The following HNRNPR variants were observed in gnomAD, a reference collection of about 807,000 sequenced individuals.
HNRNPR encodes heterogeneous nuclear ribonucleoprotein R.
A neutral mutation model predicts 70.3 loss-of-function variants in HNRNPR; 4 were observed. The observed-to-expected ratio is 0.06, with a 90% CI of 0.03 to 0.13. The LOEUF (loss-of-function observed/expected upper bound fraction) is 0.13, where lower values mean the gene tolerates loss of function less well. Among genes scored for constraint, HNRNPR ranks in the 10% least tolerant of loss-of-function variants. The pLI, the probability that HNRNPR is intolerant of heterozygous loss-of-function variation, is 1.00. For synonymous variants in HNRNPR, 241 were observed against 267.6 expected, an observed-to-expected ratio of 0.90 and a Z score of 0.97; for missense variants, 423 against 788.5, an observed-to-expected ratio of 0.54 and a Z score of 5.55.
intron 8 of HNRNPR, among the ~76,000 whole-genome samples, chr1:23,317,413 G>A (rs567200467): frequency 9.2e-5 from 14 of 151,692 alleles, no homozygotes; most frequent in East Asian, 1.9e-4. Context: ...AGTGGAGATC[G>A]CGCCACTGCA....
Position 23,313,884 on chromosome 1 carries a change from A to G in HNRNPR, c.1018-182T>C, listed in dbSNP as rs184226781. Among the ~76,000 whole-genome samples, 471 of 152,264 alleles carry G rather than the reference A, an allele frequency of 3.1e-3. 1 individual carries two copies. Among genetic ancestry groups the G allele is most frequent in the Non-Finnish European group, 4.7e-3 (318 of 67,972 alleles). On this transcript the variant is annotated intron_variant, in intron 8 of 10. Transcript: ENST00000302271. Reference sequence around the variant, plus strand: ...TGATATCAGTCACCAATTTACAAAAATTATTGGTTCCTGCCTTCTCCTATG... The same window carrying G: ...TGATATCAGTCACCAATTTACAAAAGTTATTGGTTCCTGCCTTCTCCTATG...
chr1:23,324,336 AGGTG>A (rs1275352455), intron 5 of HNRNPR, among the ~76,000 whole-genome samples: 14 of 152,258 alleles, frequency 9.2e-5, no homozygotes, highest in African/African-American at 3.1e-4. Context: ...TGGGAGGCCG[AGGTG>A]GGTGGATCAC....
chr1:23,314,512 C>A (rs1376999752), intron 8 of HNRNPR, among the ~76,000 whole-genome samples: 1 of 152,098 alleles, frequency 6.6e-6, no homozygotes, highest in African/African-American at 2.4e-5. Context: ...AAAAGCTCAA[C>A]AACTGAATAG....
At chr1:23,340,718 G>T in intron 2 of HNRNPR, 134 bp downstream of exon 2, 1 of 718,086 alleles carries the variant, frequency 1.4e-6, no homozygotes, top group Non-Finnish European at 2.2e-6. Flanking sequence ...TGCCTTCAAT[G>T]AAGGGAAAGT....
chr1:23,318,169 A>T lies in HNRNPR; in HGVS notation c.1017+314T>A, dbSNP rs548823660. 2.3e-4 allele frequency among the ~76,000 whole-genome samples: 31 copies of T among 132,576 alleles called. No individual in the cohort carries two copies. The East Asian group carries it at 4.0e-3, about 17-fold the overall frequency. The allele number at this position is 132,576 out of a possible 152,430, so 87.0% of individuals were successfully genotyped here. ...ACTTCTCTCTTTACTCAGGACTTTT[A>T]AAAAAAAAAAAAACCTCTATCCCTC... On this transcript the variant is annotated intron_variant, in intron 8 of 10. Transcript: ENST00000302271. This position sits in a 1 kb window ranked among gnomAD's most constrained non-coding sequence, Gnocchi z 4.2.
chr1:23,333,182 CA>C (rs919631628), intron 5 of HNRNPR, among the ~76,000 whole-genome samples: 3 of 152,106 alleles, frequency 2.0e-5, no homozygotes, highest in Non-Finnish European at 4.4e-5. Context: ...AACTCCATCT[CA>C]GGGGAGGGGA....
In HNRNPR at chr1:23,318,036, TAAAA is replaced by T. The variant is rs71736640; in HGVS notation, c.1017+443_1017+446del. 0.06 allele frequency among the ~76,000 whole-genome samples: 9,053 copies of T among 150,582 alleles called. 866 individuals carry two copies. The highest frequency in any genetic ancestry group is 0.21 in the African/African-American group (8,448 of 41,156). On this transcript the variant is annotated intron_variant, in intron 8 of 10. Transcript: ENST00000302271. This position sits in a 1 kb window ranked among gnomAD's most constrained non-coding sequence, Gnocchi z 4.2. ...AAAAATAAAAACTACAAAAAAAGCT[TAAAA>T]AAAGAAAAATTAGCTATAAATCTAA... is the stretch of plus-strand genomic sequence containing the variant.
chr1:23,322,048 T>C (rs1645780347), intron 6 of HNRNPR, among the ~76,000 whole-genome samples: 1 of 152,136 alleles, frequency 6.6e-6, no homozygotes. Context: ...AATAACAATA[T>C]GTAAAGGGTA....
At chr1:23,320,937 C>T (rs549274680) in intron 7 of HNRNPR, among the ~76,000 whole-genome samples, 10 of 152,086 alleles carry the variant, frequency 6.6e-5, no homozygotes, top group South Asian at 4.1e-4. Flanking sequence ...GAGGCCGAGG[C>T]GGGAGGATCA....
At chr1:23,311,119 CTCTGATTTTGTTTTATTAA>C (rs1212869111) in intron 10 of HNRNPR, 53 bp from the exon 11 acceptor site, 1 of 1,607,840 alleles carries the variant, frequency 6.2e-7, no homozygotes, top group Non-Finnish European at 8.5e-7. Context: ...TGCTTCAAGA[CTCTGATTTTGTTTTATTAA>C]TCTGATCTCC....
At chr1:23,328,475 T>C (rs1264107151) in intron 5 of HNRNPR, among the ~76,000 whole-genome samples, 2 of 152,154 alleles carry the variant, frequency 1.3e-5, no homozygotes, top group African/African-American at 2.4e-5. Context: ...TTAGTTACCT[T>C]GAGCAAGTTT....
At position 23,333,650 on chromosome 1, in the gene HNRNPR, C is replaced by T. The variant is rs1557913039; in HGVS notation, c.385-19G>A. 15 of 1,380,104 alleles carry T rather than the reference C, an allele frequency of 1.1e-5. No homozygotes were observed. Among genetic ancestry groups the T allele is most frequent in the Non-Finnish European group, 1.6e-5 (15 of 967,504 alleles). 85.5% of individuals were successfully genotyped at this position (1,380,104 alleles called of 1,614,324 possible). A position where few individuals can be genotyped will look rare whatever the true frequency, so the allele number is the denominator to read the frequency against. ...GCAAGGCCTAGAGATAATTATACAT[C>T]TCTTTATACTTGAGTACTAAATCTC... On this transcript the variant is annotated intron_variant, in intron 4 of 10. Coordinates refer to ENST00000302271, the MANE Select transcript of HNRNPR (RefSeq NM_005826.5).
chr1:23,318,347 A>G lies in HNRNPR; in HGVS notation c.1017+136T>C. ...AAGACAGGCTGTTAACTTTAGTGTT[A>G]AAGCCGCTCCTTGCCAAACAGTTGA... On this transcript the variant is annotated intron_variant, in intron 8 of 10. Coordinates refer to ENST00000302271, the MANE Select transcript of HNRNPR (RefSeq NM_005826.5). The surrounding 1 kb of genome is among the most constrained non-coding windows in gnomAD (Gnocchi z 4.2). 1 of 695,632 alleles carries G rather than the reference A, an allele frequency of 1.4e-6. No individual in the cohort carries two copies. Among genetic ancestry groups the G allele is most frequent in the East Asian group, 2.7e-5 (1 of 36,972 alleles). 43.1% of individuals were successfully genotyped at this position (695,632 alleles called of 1,614,324 possible).
At chr1:23,323,791 G>A (rs1645849448) in intron 5 of HNRNPR, 59 bp from the exon 6 acceptor site, 8 of 1,393,862 alleles carry the variant, frequency 5.7e-6, no homozygotes, top group Non-Finnish European at 8.0e-6. Flanking sequence ...GAGCCATAAA[G>A]CCTACTGCCT....
At chr1:23,311,617 A>G (rs1347631081) in intron 9 of HNRNPR, 1 of 229,788 alleles carries the variant, frequency 4.4e-6, no homozygotes, top group African/African-American at 2.3e-5. Flanking sequence ...TTAATTCCAA[A>G]TAACTCCTTA....
At chr1:23,328,656 C>A (rs188755032) in intron 5 of HNRNPR, among the ~76,000 whole-genome samples, 1 of 152,162 alleles carries the variant, frequency 6.6e-6, no homozygotes, top group Non-Finnish European at 1.5e-5. Flanking sequence ...TGTGCCACCA[C>A]GCCTGACTAA....
At chr1:23,328,714 G>A (rs1044367642) in intron 5 of HNRNPR, among the ~76,000 whole-genome samples, 12 of 152,160 alleles carry the variant, frequency 7.9e-5, no homozygotes, top group African/African-American at 2.7e-4. Flanking sequence ...TGGCCAGGCT[G>A]GTCTCGAACT....
intron 5 of HNRNPR, among the ~76,000 whole-genome samples, chr1:23,329,824 T>A (rs866233831): frequency 8.6e-5 from 13 of 152,028 alleles, no homozygotes; most frequent in Non-Finnish European, 1.6e-4. Flanking sequence ...AGAGACAGGG[T>A]CTCCTTATGT....
At chr1:23,319,022 T>C (rs1392923968) in intron 7 of HNRNPR, among the ~76,000 whole-genome samples, 1 of 152,168 alleles carries the variant, frequency 6.6e-6, no homozygotes, top group Admixed American at 6.5e-5. Flanking sequence ...AAATTAGTAA[T>C]ATAAACCCAA....
Sources: gnomAD v4.1 joint callset for allele counts (sites outside exome capture counted in the v4.1 genomes callset) on GRCh38, gnomAD v4.1.1 for gene constraint, Gnocchi (gnomAD v3.1) non-coding constraint, MANE v1.5 for transcripts, NCBI Gene and HGNC (gene_info 2026-07-23, HGNC 2026-07-21) for gene names.